The following RGS7 variants were observed in gnomAD, a reference collection of about 807,000 sequenced individuals.
The protein encoded by RGS7 is regulator of G protein signaling 7.
A neutral mutation model predicts 81.1 loss-of-function variants in RGS7; 27 were observed. The ratio of observed to expected loss-of-function variants is 0.33; its 90% CI spans 0.25 to 0.46. The LOEUF is 0.46. RGS7 is among the 20% of genes least tolerant of loss of function. The pLI, the probability that RGS7 is intolerant of heterozygous loss-of-function variation, is 1.00. For missense variants in RGS7, 396 were observed against 607.4 expected, an observed-to-expected ratio of 0.65 and a Z score of 3.66; for synonymous variants, 208 against 207.7, an observed-to-expected ratio of 1.00 and a Z score of -0.01.
intron 3 of RGS7, among the ~76,000 whole-genome samples, chr1:240,994,963 A>C (rs1181494526): frequency 3.3e-5 from 5 of 152,140 alleles, no homozygotes; most frequent in Admixed American, 2.0e-4. Context: ...GGCATGAACC[A>C]CAGCACCTGG....
At chr1:240,975,185 T>C (rs963691354) in intron 4 of RGS7, among the ~76,000 whole-genome samples, 4 of 152,028 alleles carry the variant, frequency 2.6e-5, no homozygotes, top group African/African-American at 7.2e-5. Context: ...AGGCGGATCA[T>C]GAAGTCAAGA....
At chr1:240,846,865 G>A (rs972327272) in intron 9 of RGS7, among the ~76,000 whole-genome samples, 17 of 152,134 alleles carry the variant, frequency 1.1e-4, no homozygotes, top group African/African-American at 3.6e-4. Flanking sequence ...AACTGAAGCT[G>A]CCTGCAAACC....
In RGS7 at chr1:241,105,995, C is replaced by T. The variant is rs547796349; in HGVS notation, c.79-7233G>A. ...AAAATGGGAGAAATGATCACTGAAG[C>T]GCTTCTTGGATTTCTTGGGCAGTTA... On this transcript the variant is annotated intron_variant, in intron 2 of 18. Coordinates refer to ENST00000440928, the MANE Select transcript of RGS7 (RefSeq NM_001364886.1). Among the ~76,000 whole-genome samples the T allele has an allele frequency of 2.0e-4, 31 of 152,288 alleles. No individual in the cohort carries two copies. The South Asian group carries it at 6.2e-3, about 31-fold the overall frequency.
At chr1:240,869,813 G>A (rs530086414) in intron 7 of RGS7, among the ~76,000 whole-genome samples, 1 of 152,260 alleles carries the variant, frequency 6.6e-6, no homozygotes, top group East Asian at 1.9e-4. Flanking sequence ...GGTGGTGCAC[G>A]CCTATAATCC....
rs1287767123 is a variant in RGS7 at position 241,271,073 on chromosome 1, A to T, written c.78+84626T>A. Among the ~76,000 whole-genome samples, 1 of 152,196 alleles carries T rather than the reference A, an allele frequency of 6.6e-6. No individual in the cohort carries two copies. The highest frequency in any genetic ancestry group is 2.4e-5 in the African/African-American group (1 of 41,446). On this transcript the variant is annotated intron_variant, in intron 2 of 18. Coordinates refer to ENST00000440928, the MANE Select transcript of RGS7 (RefSeq NM_001364886.1). This position sits in a 1 kb window ranked among gnomAD's most constrained non-coding sequence, Gnocchi z 4.6. The stretch of plus-strand genomic sequence containing the variant: ...TAATTTCTGCACGGGCCCTACTTTA[A>T]GTATCGCTGCAGTGGCGAAAGCATT...
intron 2 of RGS7, among the ~76,000 whole-genome samples, chr1:241,344,067 T>G (rs2148710336): frequency 6.6e-6 from 1 of 152,316 alleles, no homozygotes; most frequent in South Asian, 2.1e-4. Flanking sequence ...ATTTATATCC[T>G]AAATGATATA....
chr1:241,059,721 T>C (rs973788712), intron 3 of RGS7, among the ~76,000 whole-genome samples: 3 of 152,168 alleles, frequency 2.0e-5, no homozygotes, highest in Non-Finnish European at 4.4e-5. Flanking sequence ...AGAACTCTGC[T>C]ACCTGTGGTT....
At position 240,946,240 on chromosome 1, in the gene RGS7, C is replaced by T. The variant is rs1014894520; in HGVS notation, c.227-9534G>A. ...CTCAAAAATCCCCCCCTCTTTTCTTCACCATTCTGCTTGCTAATTTCACTA... is the reference window on the plus strand; with the variant it reads ...CTCAAAAATCCCCCCCTCTTTTCTTTACCATTCTGCTTGCTAATTTCACTA... On this transcript the variant is annotated intron_variant, in intron 4 of 18. Transcript: ENST00000440928. Among the ~76,000 whole-genome samples, 8 of 152,166 alleles carry T rather than the reference C, an allele frequency of 5.3e-5. No homozygotes were observed. The East Asian group carries it at 1.5e-3, about 29-fold the overall frequency.
chr1:241,013,323 A>G (rs2059066371), intron 3 of RGS7, among the ~76,000 whole-genome samples: 1 of 152,038 alleles, frequency 6.6e-6, no homozygotes. Context: ...TTAGCCTCCC[A>G]AAGTGCTGGG....
chr1:240,912,848 C>T (rs1039569966), intron 6 of RGS7, among the ~76,000 whole-genome samples: 1 of 152,138 alleles, frequency 6.6e-6, no homozygotes, highest in African/African-American at 2.4e-5. Flanking sequence ...AAAACAGACA[C>T]TAATTAGGCA....
chr1:241,265,385 A>G (rs6429255), intron 2 of RGS7, among the ~76,000 whole-genome samples: 113,336 of 152,092 alleles, frequency 0.75, 42,342 homozygotes, highest in Admixed American at 0.83. Flanking sequence ...ATAGAAAATA[A>G]TAAGGTAAAT....
At chr1:240,897,738 A>T (rs1452123257) in intron 6 of RGS7, among the ~76,000 whole-genome samples, 1 of 152,108 alleles carries the variant, frequency 6.6e-6, no homozygotes, top group Non-Finnish European at 1.5e-5. Context: ...TTGGTCTAAA[A>T]TTCTCTTTTT....
At chr1:240,792,568 C>G (rs555538321) in intron 18 of RGS7, among the ~76,000 whole-genome samples, 1 of 152,290 alleles carries the variant, frequency 6.6e-6, no homozygotes, top group South Asian at 2.1e-4. Context: ...GTCTCTCTCT[C>G]TCCTGCAGGG....
intron 3 of RGS7, among the ~76,000 whole-genome samples, chr1:241,087,825 T>C (rs184678732): frequency 2.6e-5 from 4 of 151,938 alleles, no homozygotes; most frequent in Admixed American, 6.6e-5. Context: ...AGTGCATGCC[T>C]GTAATCCCAG....
chr1:241,341,668 T>C (rs564940521), intron 2 of RGS7, among the ~76,000 whole-genome samples: 1 of 151,978 alleles, frequency 6.6e-6, no homozygotes, highest in Non-Finnish European at 1.5e-5. Flanking sequence ...CACTGTGCAT[T>C]ATTGTGTGCC....
chr1:241,235,912 G>GAGAGAA lies in RGS7; in HGVS notation c.78+119786_78+119787insTTCTCT, dbSNP rs1245915039. Among the ~76,000 whole-genome samples the GAGAGAA allele has an allele frequency of 6.9e-5, 10 of 145,130 alleles. 2 individuals are homozygous for GAGAGAA. The highest frequency in any genetic ancestry group is 4.3e-4 in the South Asian group (2 of 4,620). On this transcript the variant is annotated intron_variant, in intron 2 of 18. Transcript: ENST00000440928. Reference sequence around the variant, plus strand: ...TGAACCCCTAGGAGATGCACTTTGAGAGAGAGAGAGAGAGAGAGAGAAAGA... The same window carrying GAGAGAA: ...TGAACCCCTAGGAGATGCACTTTGAGAGAGAAAGAGAGAGAGAGAGAGAGAGAAAGA...
chr1:241,003,112 C>T (rs2058496792), intron 3 of RGS7, among the ~76,000 whole-genome samples: 2 of 152,124 alleles, frequency 1.3e-5, no homozygotes, highest in Admixed American at 1.3e-4. Flanking sequence ...AAGATATATA[C>T]TCACACACAT....
At chr1:241,183,891 C>G (rs1216669200) in intron 2 of RGS7, among the ~76,000 whole-genome samples, 1 of 152,170 alleles carries the variant, frequency 6.6e-6, no homozygotes, top group Non-Finnish European at 1.5e-5. Context: ...CTTAGGCATT[C>G]AAAGCACATT....
At chr1:241,267,176 C>T (rs554807274) in intron 2 of RGS7, among the ~76,000 whole-genome samples, 2 of 152,158 alleles carry the variant, frequency 1.3e-5, no homozygotes, top group African/African-American at 4.8e-5. Context: ...CACTTCCCAG[C>T]GTCTTCCTCA....
Sources: allele counts gnomAD v4.1 joint callset (sites outside exome capture counted in the v4.1 genomes callset), GRCh38; gene constraint gnomAD v4.1.1; non-coding constraint Gnocchi (gnomAD v3.1); transcripts MANE v1.5; gene names NCBI Gene and HGNC (gene_info 2026-07-23, HGNC 2026-07-21).